The following MMAB variants were observed in gnomAD, a reference collection of about 807,000 sequenced individuals.
MMAB encodes the protein metabolism of cobalamin associated B.
Under a neutral mutation model 30.6 loss-of-function variants are expected in MMAB, and 17 were observed. The ratio of observed to expected loss-of-function variants is 0.56; its 90% CI spans 0.38 to 0.83. The LOEUF (loss-of-function observed/expected upper bound fraction) is 0.83. Among genes scored for constraint, MMAB ranks in the 40% least tolerant of loss-of-function variants. MMAB has a pLI of 0.00. For missense variants in MMAB, 311 were observed against 331.6 expected (o/e 0.94, Z 0.48); for synonymous variants, 134 against 138.6 (o/e 0.97, Z 0.23).
rs751553040 is a variant in MMAB, at chr12:109,565,169, G to A, written c.298C>T (p.Leu100=). ...TGGCCCTTTTCTGTGACTAATTCCA[G>A]AGCAAACCTATGAAGAAAAAGGAAA... ...DELSSAIGFA[L]ELVTEKGHTF... The change falls in exon 4 of 9, where the codon CTG becomes TTG. Residue 100 remains leucine (L), a synonymous_variant. Coordinates refer to ENST00000545712, the MANE Select transcript of MMAB (RefSeq NM_052845.4). The A allele has an allele frequency of 1.9e-6, 3 of 1,613,706 alleles. No homozygotes were observed. Among genetic ancestry groups the A allele is most frequent in the East Asian group, 4.5e-5 (2 of 44,878 alleles).
In MMAB at chr12:109,557,377, C is replaced by A. The variant is rs1036608643; in HGVS notation, c.645-241G>T. On this transcript the variant is annotated intron_variant, in intron 8 of 8. Coordinates refer to ENST00000545712, the MANE Select transcript of MMAB (RefSeq NM_052845.4). ...CTGGGGCCATTCCTGCAGGATGAGG[C>A]CATTGCCCCGGCCCTACCCCATGGG... 5.3e-5 allele frequency among the ~76,000 whole-genome samples: 8 copies of A among 152,340 alleles called. No homozygotes were observed. In the East Asian group the frequency reaches 5.8e-4, roughly 11 times the overall value.
In MMAB at chr12:109,554,218, G is replaced by A. The variant is rs1350620736; in HGVS notation, c.*2810C>T. 1 of 453,832 alleles carries A rather than the reference G, an allele frequency of 2.2e-6. No individual in the cohort carries two copies. The highest frequency in any genetic ancestry group is 1.6e-5 in the South Asian group (1 of 64,472). 28.1% of individuals were successfully genotyped at this position (453,832 alleles called of 1,614,324 possible). A position where few individuals can be genotyped will look rare whatever the true frequency, so the allele number is the denominator to read the frequency against. ...ATGCCTCCTTCCAGGGCTGCTATGG[G>A]GTTCAAATGAGATAATGTCTGTGGA... On this transcript the variant is annotated 3_prime_UTR_variant, in exon 9 of 9. Coordinates refer to ENST00000545712, the MANE Select transcript of MMAB (RefSeq NM_052845.4).
rs764919879 is a variant in MMAB at position 109,557,051 on chromosome 12, A to G, written c.730T>C (p.Ser244Pro). The G allele has an allele frequency of 8.7e-6, 14 of 1,612,694 alleles. No homozygotes were observed. In the South Asian group the frequency reaches 1.5e-4, roughly 18 times the overall value. Residue 244 changes from serine (S) to proline (P), a missense_variant, in exon 9 of 9, where the codon TCG becomes CCG. Transcript: ENST00000545712. ...QEKIYMKNDP[S>P]AESEGL ...TTTCAGAGTCCCTCAGACTCGGCCGATGGGTCATTTTTCATGTATATTTTC... is the reference window on the plus strand; with the variant it reads ...TTTCAGAGTCCCTCAGACTCGGCCGGTGGGTCATTTTTCATGTATATTTTC...
chr12:109,568,637 A>G lies in MMAB; in HGVS notation c.290+133T>C. 5.1e-6 allele frequency: 4 copies of G among 777,978 alleles called. No individual in the cohort carries two copies. The Middle Eastern group carries it at 6.7e-4, about 131-fold the overall frequency. 48.2% of individuals were successfully genotyped at this position (777,978 alleles called of 1,614,324 possible). On this transcript the variant is annotated intron_variant, in intron 3 of 8. Transcript: ENST00000545712. The stretch of plus-strand genomic sequence containing the variant: ...TGTGGAGCTGACCAGCCTGTGCTTC[A>G]GGGCTGAGGAAAGTTCAATAAGGGC...
intron 3 of MMAB, 45 bp from the exon 4 acceptor site, chr12:109,565,221 C>T (rs1186204191): frequency 6.9e-7 from 1 of 1,445,568 alleles, no homozygotes; most frequent in East Asian, 2.3e-5. Context: ...TGTAATGTCC[C>T]TAGGCCCTGT....
At position 109,556,421 on chromosome 12, in the gene MMAB, G is replaced by A. The variant is rs1351672616; in HGVS notation, c.*607C>T. The A allele has an allele frequency of 6.6e-6, 3 of 453,892 alleles. No homozygotes were observed. Among genetic ancestry groups the A allele is most frequent in the South Asian group, 1.6e-5 (1 of 64,468 alleles). The allele number at this position is 453,892 out of a possible 1,614,324, so 28.1% of individuals were successfully genotyped here. On this transcript the variant is annotated 3_prime_UTR_variant, in exon 9 of 9. Transcript: ENST00000545712. Reference sequence around the variant, plus strand: ...TCACACACACTTCAATCTAAGCCAGGAGTTTCTGAGCCTCGCCTGTCAATC... The same window carrying A: ...TCACACACACTTCAATCTAAGCCAGAAGTTTCTGAGCCTCGCCTGTCAATC...
rs930586927 is a variant in MMAB at position 109,569,142 on chromosome 12, C to T, written c.197-279G>A. Among the ~76,000 whole-genome samples, 1 of 152,050 alleles carries T rather than the reference C, an allele frequency of 6.6e-6. No homozygotes were observed. Among genetic ancestry groups the T allele is most frequent in the Admixed American group, 6.6e-5 (1 of 15,264 alleles). On this transcript the variant is annotated intron_variant, in intron 2 of 8. Coordinates refer to ENST00000545712, the MANE Select transcript of MMAB (RefSeq NM_052845.4). The surrounding 1 kb of genome is among the most constrained non-coding windows in gnomAD (Gnocchi z 4.1). ...TGTATTTTTAGTAGAGACGGGTTTT[C>T]GCCCATGTTGGCCGAGCTAGTCTTG...
rs774239021 is a variant in MMAB at position 109,556,188 on chromosome 12, G to C, written c.*840C>G. On this transcript the variant is annotated 3_prime_UTR_variant, in exon 9 of 9. Transcript: ENST00000545712. ...CGTGGCACCGATCTCAGAGGCATAA[G>C]CCAGCCAAGTGCAACATCGGAGAAA... 1 of 453,970 alleles carries C rather than the reference G, an allele frequency of 2.2e-6. No individual in the cohort carries two copies. Among genetic ancestry groups the C allele is most frequent in the Admixed American group, 2.3e-5 (1 of 42,556 alleles). The allele number at this position is 453,970 out of a possible 1,614,324, so 28.1% of individuals were successfully genotyped here.
intron 3 of MMAB, chr12:109,567,104 A>G (rs1365492569): frequency 2.0e-5 from 9 of 454,046 alleles, no homozygotes; most frequent in Non-Finnish European, 3.5e-5. Flanking sequence ...CGGGAGGCAG[A>G]GGTTGCAGTG....
rs1884752370 is a variant in MMAB, at chr12:109,573,497, C to T, written c.-17G>A. 6.3e-7 allele frequency: 1 copy of T among 1,591,618 alleles called. No individual in the cohort carries two copies. Among genetic ancestry groups the T allele is most frequent in the South Asian group, 1.1e-5 (1 of 89,106 alleles). On this transcript the variant is annotated 5_prime_UTR_variant, in exon 1 of 9. Coordinates refer to ENST00000545712, the MANE Select transcript of MMAB (RefSeq NM_052845.4). ...CACAGCCATGAGCCAGGCTGCTTGA[C>T]GGGACCTGACCCCGCCAGGTTCCCG...
At position 109,559,020 on chromosome 12, in the gene MMAB, G is replaced by GACCGCTGC. The variant is rs72650184; in HGVS notation, c.644+68_644+75dup. ...GAATGCTGCCCCACACTGCTTCCCG[G>GACCGCTGC]ACCGCTGCACCGCTGCTACTTCCCA... On this transcript the variant is annotated intron_variant, in intron 8 of 8. Transcript: ENST00000545712. 14,871 of 1,112,880 alleles carry GACCGCTGC rather than the reference G, an allele frequency of 0.013. 467 individuals carry two copies. The highest frequency in any genetic ancestry group is 0.09 in the Admixed American group (5,224 of 57,838). The allele number at this position is 1,112,880 out of a possible 1,614,324, so 68.9% of individuals were successfully genotyped here. A position where few individuals can be genotyped will look rare whatever the true frequency, so the allele number is the denominator to read the frequency against.
Position 109,561,081 on chromosome 12 carries a change from C to T in MMAB, c.543G>A (p.Ala181=), listed in dbSNP as rs145411521. 8.7e-6 allele frequency: 14 copies of T among 1,610,852 alleles called. No homozygotes were observed. The highest frequency in any genetic ancestry group is 8.0e-5 in the African/African-American group (6 of 74,856). ...GGCACACGGCCCGGCAGAAATGCAG[C>T]GCCGAGCTGATCTTGCCTCCCGACT... ...ILPSGGKISS[A]LHFCRAVCRR... is the part of the protein sequence containing the mutation. Residue 181 remains alanine, a synonymous_variant, in exon 7 of 9, where the codon GCG becomes GCA. Transcript: ENST00000545712. This position sits in a 1 kb window ranked among gnomAD's most constrained non-coding sequence, Gnocchi z 5.3.
chr12:109,558,449 G>A lies in MMAB; in HGVS notation c.644+647C>T, dbSNP rs1173821116. Among the ~76,000 whole-genome samples, 5 of 152,154 alleles carry A rather than the reference G, an allele frequency of 3.3e-5. No homozygotes were observed. The highest frequency in any genetic ancestry group is 1.3e-4 in the Admixed American group (2 of 15,274). On this transcript the variant is annotated intron_variant, in intron 8 of 8. Transcript: ENST00000545712. This position sits in a 1 kb window ranked among gnomAD's most constrained non-coding sequence, Gnocchi z 4.3. ...AGACACCCAGGACAGCTCCTGGGGT[G>A]CAGACCTGCTCCCCCAGCTCTCTAC...
chr12:109,563,537 C>T (rs186766992), intron 4 of MMAB, among the ~76,000 whole-genome samples: 133 of 152,360 alleles, frequency 8.7e-4, no homozygotes, highest in Non-Finnish European at 1.6e-3. Context: ...GTTAACACCC[C>T]TTGTGATGCC....
In MMAB at chr12:109,561,694, TG is replaced by T. The variant is rs1185635816; in HGVS notation, c.421+85del. ...GCTAACTGACCCACCCGTGGGTCCCTGGGGGCCTGGGATCCCAGATGGTGAC... is the reference window on the plus strand; with the variant it reads ...GCTAACTGACCCACCCGTGGGTCCCTGGGGCCTGGGATCCCAGATGGTGAC... On this transcript the variant is annotated intron_variant, in intron 5 of 8. Transcript: ENST00000545712. This position sits in a 1 kb window ranked among gnomAD's most constrained non-coding sequence, Gnocchi z 5.3. The T allele has an allele frequency of 1.5e-6, 2 of 1,374,488 alleles. No individual in the cohort carries two copies. Among genetic ancestry groups the T allele is most frequent in the Non-Finnish European group, 2.0e-6 (2 of 987,128 alleles). 85.1% of individuals were successfully genotyped at this position (1,374,488 alleles called of 1,614,324 possible). A position where few individuals can be genotyped will look rare whatever the true frequency, so the allele number is the denominator to read the frequency against.
intron 2 of MMAB, 116 bp downstream of exon 2, chr12:109,571,533 T>G: frequency 6.3e-5 from 60 of 949,038 alleles, no homozygotes; most frequent in Non-Finnish European, 9.2e-5. Flanking sequence ...ATTACAGGCA[T>G]GAGCCACCGC....
In MMAB at chr12:109,569,804, A is replaced by T. The variant is rs991362531; in HGVS notation, c.197-941T>A. 1.3e-5 allele frequency among the ~76,000 whole-genome samples: 2 copies of T among 152,250 alleles called. No homozygotes were observed. Among genetic ancestry groups the T allele is most frequent in the African/African-American group, 4.8e-5 (2 of 41,460 alleles). On this transcript the variant is annotated intron_variant, in intron 2 of 8. Transcript: ENST00000545712. This position sits in a 1 kb window ranked among gnomAD's most constrained non-coding sequence, Gnocchi z 4.1. ...ACTATGACGGTTCGAGACCAAGACA[A>T]GGCCACTGCGGAAGAACGTCTGAGC...
Position 109,561,484 on chromosome 12 carries a change from T to C in MMAB, c.455A>G (p.Glu152Gly), listed in dbSNP as rs539251533. 1.3e-6 allele frequency: 2 copies of C among 1,550,342 alleles called. No homozygotes were observed. The highest frequency in any genetic ancestry group is 4.9e-5 in the East Asian group (2 of 40,898). Reference protein sequence around the residue: ...YTTFKAGPILELEQWIDKYTS... With the variant: ...YTTFKAGPILGLEQWIDKYTS... The stretch of plus-strand genomic sequence containing the variant: ...GTACTTGTCGATCCACTGCTCCAGC[T>C]CCAGGATGGGCCCCGCCTTGAACGT... The change falls in exon 6 of 9, where the codon GAG becomes GGG. Residue 152 changes from glutamate (E) to glycine (G), a missense_variant. Physicochemically the swap from Glu to Gly is moderately conservative, Grantham distance 98. Transcript: ENST00000545712. This position sits in a 1 kb window ranked among gnomAD's most constrained non-coding sequence, Gnocchi z 5.3.
rs758687280 is a variant in MMAB, at chr12:109,568,744, C to T, written c.290+26G>A. 1.6e-5 allele frequency: 26 copies of T among 1,584,584 alleles called. No homozygotes were observed. In the Admixed American group the frequency reaches 1.7e-4, roughly 10 times the overall value. ...TACTCATACTCGACTCAAACGCAAC[C>T]TCAAGGCCAATCCTGTCCCCCTTAC... On this transcript the variant is annotated intron_variant, in intron 3 of 8. Transcript: ENST00000545712.
Sources: gnomAD v4.1 joint callset for allele counts (sites outside exome capture counted in the v4.1 genomes callset) on GRCh38, gnomAD v4.1.1 for gene constraint, Gnocchi (gnomAD v3.1) non-coding constraint, MANE v1.5 for transcripts, NCBI Gene and HGNC (gene_info 2026-07-23, HGNC 2026-07-21) for gene names.